The following PTTG1IP2 variants were observed in gnomAD, a reference collection of about 807,000 sequenced individuals.
The protein encoded by PTTG1IP2 is PTTG1IP family member 2.
At chr7:90,489,829 T>C (rs1181428453) in intron 4 of PTTG1IP2, among the ~76,000 whole-genome samples, 2 of 151,966 alleles carry the variant, frequency 1.3e-5, no homozygotes, top group Non-Finnish European at 2.9e-5. Context: ...AGATTCTCTT[T>C]TCTTACTCTT....
intron 6 of PTTG1IP2, among the ~76,000 whole-genome samples, chr7:90,510,134 G>C (rs1477955286): frequency 6.6e-6 from 1 of 152,120 alleles, no homozygotes; most frequent in African/African-American, 2.4e-5. Flanking sequence ...AAGAGCACTG[G>C]GATCTGTAGC....
intron 6 of PTTG1IP2, among the ~76,000 whole-genome samples, chr7:90,510,531 A>G (rs1352350662): frequency 2.6e-5 from 4 of 152,150 alleles, no homozygotes; most frequent in Non-Finnish European, 5.9e-5. Flanking sequence ...ACATGCATGC[A>G]TGTATGTTTG....
intron 6 of PTTG1IP2, among the ~76,000 whole-genome samples, chr7:90,501,537 G>T (rs1292033053): frequency 6.6e-6 from 1 of 152,100 alleles, no homozygotes; most frequent in Non-Finnish European, 1.5e-5. Context: ...AGACATGGTG[G>T]TGTGCACCTG....
In PTTG1IP2 at chr7:90,485,200, A is replaced by G. The variant is rs116498008; in HGVS notation, c.193-2127A>G. On this transcript the variant is annotated intron_variant, in intron 2 of 6. Coordinates refer to ENST00000509356, the MANE Select transcript of PTTG1IP2 (RefSeq NM_001365443.2). ...AAAGTAGCAGACAGATTTTAAAAAT[A>G]AACGACCTCAGTCTACTATTTTTCC... Among the ~76,000 whole-genome samples the G allele has an allele frequency of 8.7e-3, 1,323 of 152,336 alleles. 30 individuals carry two copies. The highest frequency in any genetic ancestry group is 0.03 in the African/African-American group (1,266 of 41,578).
intron 6 of PTTG1IP2, among the ~76,000 whole-genome samples, chr7:90,506,757 AC>A (rs1377082281): frequency 6.6e-6 from 1 of 152,106 alleles, no homozygotes; most frequent in African/African-American, 2.4e-5. Flanking sequence ...ACAGAGTAAG[AC>A]CCTGTCTCAA....
intron 6 of PTTG1IP2, among the ~76,000 whole-genome samples, chr7:90,506,698 TGAAG>T (rs1423177623): frequency 1.3e-5 from 2 of 152,100 alleles, no homozygotes; most frequent in South Asian, 2.1e-4. Context: ...GCTGGAGAGA[TGAAG>T]GCTGCAGCAA....
intron 6 of PTTG1IP2, among the ~76,000 whole-genome samples, chr7:90,502,777 T>C (rs942660238): frequency 1.3e-5 from 2 of 152,238 alleles, no homozygotes; most frequent in South Asian, 4.1e-4. Flanking sequence ...TGCTATCATC[T>C]AGGCTTTGGC....
At chr7:90,498,170 C>G (rs959340833) in intron 6 of PTTG1IP2, among the ~76,000 whole-genome samples, 1 of 152,052 alleles carries the variant, frequency 6.6e-6, no homozygotes, top group Admixed American at 6.6e-5. Flanking sequence ...GGACTACAGG[C>G]GCCCGCCACC....
In PTTG1IP2 at chr7:90,497,360, C is replaced by T. The variant is rs1449225291; in HGVS notation, c.*50+2930C>T. Among the ~76,000 whole-genome samples, 35 of 152,054 alleles carry T rather than the reference C, an allele frequency of 2.3e-4. No homozygotes were observed. In the East Asian group the frequency reaches 5.6e-3, roughly 24 times the overall value. Reference sequence around the variant, plus strand: ...CAGGCGGATCACGAGGTCAGGAGATCGAGACCATCCTGGCTAACATGGTGA... The same window carrying T: ...CAGGCGGATCACGAGGTCAGGAGATTGAGACCATCCTGGCTAACATGGTGA... On this transcript the variant is annotated intron_variant, in intron 6 of 6. Coordinates refer to ENST00000509356, the MANE Select transcript of PTTG1IP2 (RefSeq NM_001365443.2).
chr7:90,507,802 A>G (rs1267590070), intron 6 of PTTG1IP2, among the ~76,000 whole-genome samples: 1 of 152,240 alleles, frequency 6.6e-6, no homozygotes, highest in Non-Finnish European at 1.5e-5. Flanking sequence ...CACATAGTAG[A>G]TGCTCAATAA....
chr7:90,500,625 C>T (rs1463076893), intron 6 of PTTG1IP2, among the ~76,000 whole-genome samples: 2 of 152,142 alleles, frequency 1.3e-5, no homozygotes, highest in African/African-American at 2.4e-5. Flanking sequence ...GTCATGTAGT[C>T]ACAAGGGAGG....
intron 6 of PTTG1IP2, among the ~76,000 whole-genome samples, chr7:90,507,707 T>C (rs967703194): frequency 6.2e-4 from 95 of 152,292 alleles, no homozygotes; most frequent in Non-Finnish European, 1.9e-4. Context: ...ACTTAAGTAT[T>C]CCTGTATAAA....
chr7:90,500,999 T>A (rs17865979), intron 6 of PTTG1IP2, among the ~76,000 whole-genome samples: 1 of 152,352 alleles, frequency 6.6e-6, no homozygotes, highest in African/African-American at 2.4e-5. Context: ...GCATTTTCTT[T>A]AGACCCTAAG....
intron 4 of PTTG1IP2, among the ~76,000 whole-genome samples, 155 bp downstream of exon 4, chr7:90,489,119 G>T (rs1197200280): frequency 1.3e-5 from 2 of 149,472 alleles, no homozygotes; most frequent in Non-Finnish European, 3.0e-5. Context: ...TACGGAAATT[G>T]TAAAATGAAA....
chr7:90,506,815 A>C (rs946561964), intron 6 of PTTG1IP2, among the ~76,000 whole-genome samples: 4 of 152,110 alleles, frequency 2.6e-5, no homozygotes, highest in African/African-American at 9.7e-5. Context: ...GGGTAATTCT[A>C]ATTCTTCATC....
chr7:90,503,885 G>A (rs1432039163), intron 6 of PTTG1IP2, among the ~76,000 whole-genome samples: 5 of 152,154 alleles, frequency 3.3e-5, no homozygotes, highest in Admixed American at 1.3e-4. Flanking sequence ...AAATGGTGCC[G>A]ACACATTTGC....
chr7:90,489,207 T>A (rs1797911253), intron 4 of PTTG1IP2, among the ~76,000 whole-genome samples: 1 of 151,762 alleles, frequency 6.6e-6, no homozygotes, highest in Admixed American at 6.6e-5. Flanking sequence ...TTTAGTATGG[T>A]TCTATTTGTT....
At chr7:90,494,967 G>A (rs995957917) in intron 6 of PTTG1IP2, among the ~76,000 whole-genome samples, 6 of 152,036 alleles carry the variant, frequency 3.9e-5, no homozygotes, top group African/African-American at 9.7e-5. Context: ...TTATGATTGC[G>A]CTACTGCATT....
chr7:90,490,855 C>T (rs1219214532), intron 4 of PTTG1IP2, among the ~76,000 whole-genome samples: 1 of 152,250 alleles, frequency 6.6e-6, no homozygotes, highest in East Asian at 1.9e-4. Flanking sequence ...ATGAAAAACC[C>T]TGAAGTCTCT....
Sources: gnomAD v4.1 joint callset for allele counts (sites outside exome capture counted in the v4.1 genomes callset) on GRCh38, gnomAD v4.1.1 for gene constraint, MANE v1.5 for transcripts, NCBI Gene and HGNC (gene_info 2026-07-23, HGNC 2026-07-21) for gene names.